Variants in SYT11 observed in about 807,000 individuals in gnomAD.
SYT11 encodes the protein synaptotagmin 11, also known as synaptotagmin-11.
SYT11 carries 12 observed loss-of-function variants against 30.4 expected under a neutral mutation model. The ratio of observed to expected loss-of-function variants is 0.39; its 90% confidence interval spans 0.25 to 0.64. The LOEUF (loss-of-function observed/expected upper bound fraction) is 0.64. Among genes scored for constraint, SYT11 ranks in the 30% least tolerant of loss-of-function variants. The pLI, the probability that SYT11 is intolerant of heterozygous loss-of-function variation, is 0.45. For synonymous variants in SYT11, 204 were observed against 216.0 expected, an observed-to-expected ratio of 0.94 and a Z score of 0.49; for missense variants, 412 against 552.0, an observed-to-expected ratio of 0.75 and a Z score of 2.54.
chr1:155,872,039 C>G (rs1397836826), intron 2 of SYT11, among the ~76,000 whole-genome samples: 3 of 151,866 alleles, frequency 2.0e-5, no homozygotes, highest in South Asian at 2.1e-4. Context: ...CTACTGCACT[C>G]TAGCCTGGAT....
intron 2 of SYT11, among the ~76,000 whole-genome samples, chr1:155,870,274 C>T (rs1207973044): frequency 1.3e-5 from 2 of 152,188 alleles, no homozygotes; most frequent in Admixed American, 1.3e-4. Flanking sequence ...GGGCAAGCTG[C>T]TTCACTTTCG....
At chr1:155,880,363 G>C in intron 2 of SYT11, 137 bp from the exon 3 acceptor site, 2 of 918,854 alleles carry the variant, frequency 2.2e-6, no homozygotes, top group Non-Finnish European at 3.2e-6. Context: ...CACCTTTCCA[G>C]GGGATGAGCA....
intron 2 of SYT11, among the ~76,000 whole-genome samples, chr1:155,875,177 C>T (rs1672841556): frequency 7.6e-6 from 1 of 131,406 alleles, no homozygotes; most frequent in African/African-American, 2.7e-5. Context: ...TGCTTGAACC[C>T]AGGAGGTGGA....
In SYT11 at chr1:155,868,654, C is replaced by T; in HGVS notation, c.724C>T (p.Leu242=). The T allele has an allele frequency of 3.1e-6, 5 of 1,614,214 alleles. No homozygotes were observed. Among genetic ancestry groups the T allele is most frequent in the Non-Finnish European group, 4.2e-6 (5 of 1,180,046 alleles). ...IPYSQLQDLV[L]HFLVLSFDRF... ...CTACAGCCAGCTGCAGGACCTGGTG[C>T]TGCACTTCCTTGTCCTCAGCTTTGA... Residue 242 remains leucine, a synonymous_variant, in exon 2 of 4, where the codon CTG becomes TTG. Coordinates refer to ENST00000368324, the MANE Select transcript of SYT11 (RefSeq NM_152280.5). This position sits in a 1 kb window ranked among gnomAD's most constrained non-coding sequence, Gnocchi z 4.7.
In SYT11 at chr1:155,882,439, G is replaced by A. The variant is rs1028979683; in HGVS notation, c.*931G>A. ...TGGGGTGGATGAGGCAAGGTTTGCA[G>A]GAGAAAGAGGAATTGAGAAATGGGG... is the stretch of plus-strand genomic sequence containing the variant. On this transcript the variant is annotated 3_prime_UTR_variant, in exon 4 of 4. Transcript: ENST00000368324. 6.6e-6 allele frequency: 1 copy of A among 152,334 alleles called. No individual in the cohort carries two copies. Among genetic ancestry groups the A allele is most frequent in the African/African-American group, 2.4e-5 (1 of 41,434 alleles). 9.4% of individuals were successfully genotyped at this position (152,334 alleles called of 1,614,324 possible). A position where few individuals can be genotyped will look rare whatever the true frequency, so the allele number is the denominator to read the frequency against.
Position 155,868,500 on chromosome 1 carries a change from G to A in SYT11, c.570G>A (p.Gln190=). The A allele has an allele frequency of 6.2e-7, 1 of 1,614,138 alleles. No individual in the cohort carries two copies. Among genetic ancestry groups the A allele is most frequent in the South Asian group, 1.1e-5 (1 of 91,082 alleles). The change falls in exon 2 of 4, where the codon CAG becomes CAA. Residue 190 remains glutamine (Q), a synonymous_variant. Coordinates refer to ENST00000368324, the MANE Select transcript of SYT11 (RefSeq NM_152280.5). The surrounding 1 kb of genome is among the most constrained non-coding windows in gnomAD (Gnocchi z 4.7). The stretch of plus-strand genomic sequence containing the variant: ...ATGGGCTGCCAGTGATGGATGACCA[G>A]ACCCAGGGATCTGACCCCTACATCA... ...EAHGLPVMDD[Q]TQGSDPYIKM... is the part of the protein sequence containing the mutation.
At chr1:155,867,575 T>C (rs1029855145) in intron 1 of SYT11, among the ~76,000 whole-genome samples, 1 of 152,106 alleles carries the variant, frequency 6.6e-6, no homozygotes, top group African/African-American at 2.4e-5. Context: ...AAACCAAACA[T>C]CTTGTGTAAC....
At chr1:155,870,198 T>G (rs1672760024) in intron 2 of SYT11, among the ~76,000 whole-genome samples, 1 of 152,218 alleles carries the variant, frequency 6.6e-6, no homozygotes, top group African/African-American at 2.4e-5. Flanking sequence ...CATAAGTGGT[T>G]AAAATAGCAA....
chr1:155,878,897 A>G (rs201608933), intron 2 of SYT11, among the ~76,000 whole-genome samples: 1 of 151,412 alleles, frequency 6.6e-6, no homozygotes, highest in African/African-American at 2.4e-5. Flanking sequence ...ATAAATAAAT[A>G]AATTAATTAA....
intron 2 of SYT11, among the ~76,000 whole-genome samples, chr1:155,879,699 G>A (rs918805805): frequency 6.6e-6 from 1 of 152,214 alleles, no homozygotes; most frequent in Non-Finnish European, 1.5e-5. Context: ...ACAGTCTTCA[G>A]AACTTTTTAA....
rs773089384 is a variant in SYT11, at chr1:155,864,708, C to CTTT, written c.35-3239_35-3237dup. Among the ~76,000 whole-genome samples, 202 of 128,268 alleles carry CTTT rather than the reference C, an allele frequency of 1.6e-3. 5 individuals are homozygous for CTTT. The highest frequency in any genetic ancestry group is 3.4e-3 in the African/African-American group (116 of 33,728). 84.1% of individuals were successfully genotyped at this position (128,268 alleles called of 152,430 possible). A position where few individuals can be genotyped will look rare whatever the true frequency, so the allele number is the denominator to read the frequency against. ...TATATGTAATCATCTTGACTCAATC[C>CTTT]TTTTTTTTTTTTTTTTTTTTGAGAT... On this transcript the variant is annotated intron_variant, in intron 1 of 3. Coordinates refer to ENST00000368324, the MANE Select transcript of SYT11 (RefSeq NM_152280.5).
chr1:155,867,937 C>A, intron 1 of SYT11, 28 bp from the exon 2 acceptor site: 1 of 1,561,546 alleles, frequency 6.4e-7, no homozygotes, highest in Non-Finnish European at 8.7e-7. Context: ...TCCACCCGCC[C>A]TGACACATCT....
chr1:155,872,622 C>T (rs1178665473), intron 2 of SYT11, among the ~76,000 whole-genome samples: 2 of 152,190 alleles, frequency 1.3e-5, no homozygotes, highest in Admixed American at 1.3e-4. Context: ...TGCCCCCCAA[C>T]AGGGCCTTTG....
intron 2 of SYT11, among the ~76,000 whole-genome samples, chr1:155,874,363 G>A (rs1296411333): frequency 1.3e-5 from 2 of 152,176 alleles, no homozygotes; most frequent in Non-Finnish European, 2.9e-5. Context: ...ACTTTGGGAG[G>A]CTGAGACGGA....
intron 2 of SYT11, among the ~76,000 whole-genome samples, chr1:155,869,855 A>T (rs1439881917): frequency 6.6e-6 from 1 of 152,170 alleles, no homozygotes; most frequent in Non-Finnish European, 1.5e-5. Context: ...GAGGCAGTGA[A>T]ATGCTGCAGT....
In SYT11 at chr1:155,881,736, T is replaced by G; in HGVS notation, c.*228T>G. 1 of 389,876 alleles carries G rather than the reference T, an allele frequency of 2.6e-6. No individual in the cohort carries two copies. Among genetic ancestry groups the G allele is most frequent in the Non-Finnish European group, 4.5e-6 (1 of 220,134 alleles). The allele number at this position is 389,876 out of a possible 1,614,324, so 24.2% of individuals were successfully genotyped here. ...GGCGCTAGAATCTTTTATTTTACTT[T>G]ATTTTTTTTGAGGTGGAGTTTCGCT... On this transcript the variant is annotated 3_prime_UTR_variant, in exon 4 of 4. Transcript: ENST00000368324.
chr1:155,866,262 GTC>G (rs1394731900), intron 1 of SYT11, among the ~76,000 whole-genome samples: 1 of 151,980 alleles, frequency 6.6e-6, no homozygotes, highest in Non-Finnish European at 1.5e-5. Context: ...ACAGGTGTGT[GTC>G]ACCACACCTG....
At chr1:155,875,894 G>A (rs1672851998) in intron 2 of SYT11, among the ~76,000 whole-genome samples, 1 of 152,164 alleles carries the variant, frequency 6.6e-6, no homozygotes, top group Admixed American at 6.5e-5. Context: ...TGGCATATTT[G>A]CTGCCGCTGT....
chr1:155,880,298 T>C (rs538742176), intron 2 of SYT11, among the ~76,000 whole-genome samples: 1 of 152,304 alleles, frequency 6.6e-6, no homozygotes, highest in Admixed American at 6.5e-5. Flanking sequence ...TTATTTAATA[T>C]CAGAATTATG....
Sources: gnomAD v4.1 joint callset for allele counts (sites outside exome capture counted in the v4.1 genomes callset) on GRCh38, gnomAD v4.1.1 for gene constraint, Gnocchi (gnomAD v3.1) non-coding constraint, MANE v1.5 for transcripts, NCBI Gene and HGNC (gene_info 2026-07-23, HGNC 2026-07-21) for gene names.